FHIT: variants seen among roughly 807,000 people sequenced by gnomAD.
The protein encoded by FHIT is bis(5'-adenosyl)-triphosphatase.
In FHIT, 19 loss-of-function variants were observed where a neutral mutation model predicts 17.9. The ratio of observed to expected loss-of-function variants is 1.06; its 90% CI spans 0.74 to 1.56. The LOEUF is 1.56. FHIT is among the 40% of genes most tolerant of loss of function. The probability of loss-of-function intolerance (pLI) is 0.00; values close to 1 mark genes in which losing one functional copy is unlikely to be tolerated. For synonymous variants in FHIT, 81 were observed against 69.7 expected, an observed-to-expected ratio of 1.16 and a Z score of -0.81; for missense variants, 248 against 189.2, an observed-to-expected ratio of 1.31 and a Z score of -1.82.
At chr3:59,832,923 T>G (rs1701215009) in intron 8 of FHIT, among the ~76,000 whole-genome samples, 1 of 152,238 alleles carries the variant, frequency 6.6e-6, no homozygotes, top group South Asian at 2.1e-4. Flanking sequence ...TGAATCCAGC[T>G]GTGCCTGAAG....
At chr3:60,058,271 A>C (rs1021655011) in intron 5 of FHIT, among the ~76,000 whole-genome samples, 1 of 149,784 alleles carries the variant, frequency 6.7e-6, no homozygotes, top group Non-Finnish European at 1.5e-5. Context: ...CAGCCTCCTG[A>C]GTAGCTGGGA....
In FHIT at chr3:60,958,570, C is replaced by A. The variant is rs200734658; in HGVS notation, c.-111+83477G>T. ...GTTTGACCAAATGTTTCTCTTTACCCATGAAAAATAGTTGCAATGTTCCAA... is the reference window on the plus strand; with the variant it reads ...GTTTGACCAAATGTTTCTCTTTACCAATGAAAAATAGTTGCAATGTTCCAA... On this transcript the variant is annotated intron_variant, in intron 3 of 9. Transcript: ENST00000492590. Among the ~76,000 whole-genome samples the A allele has an allele frequency of 1.4e-4, 22 of 152,244 alleles. No homozygotes were observed. The East Asian group carries it at 4.2e-3, about 29-fold the overall frequency.
At chr3:59,840,187 C>G (rs1191985679) in intron 8 of FHIT, among the ~76,000 whole-genome samples, 2 of 151,982 alleles carry the variant, frequency 1.3e-5, no homozygotes, top group Admixed American at 1.3e-4. Flanking sequence ...AAGTACTCCC[C>G]CATTCTTGCA....
intron 5 of FHIT, among the ~76,000 whole-genome samples, chr3:60,238,958 T>C (rs1025844812): frequency 1.3e-5 from 2 of 152,190 alleles, no homozygotes; most frequent in Non-Finnish European, 2.9e-5. Flanking sequence ...TTCTAAAACA[T>C]GGTCCAAGGA....
At chr3:60,598,335 C>G (rs1181300684) in intron 4 of FHIT, among the ~76,000 whole-genome samples, 2 of 152,070 alleles carry the variant, frequency 1.3e-5, no homozygotes, top group East Asian at 1.9e-4. Context: ...TGTTTTCTCT[C>G]CTCTCAGAAT....
chr3:59,812,990 C>T (rs1700460819), intron 8 of FHIT, among the ~76,000 whole-genome samples: 2 of 152,106 alleles, frequency 1.3e-5, no homozygotes, highest in Non-Finnish European at 2.9e-5. Context: ...CTGGGTTTAA[C>T]AGTAAGTCCT....
chr3:60,761,983 T>C (rs567215603), intron 4 of FHIT, among the ~76,000 whole-genome samples: 2 of 152,304 alleles, frequency 1.3e-5, no homozygotes, highest in South Asian at 2.1e-4. Flanking sequence ...TTCCATTAAA[T>C]TGAAGGTGAC....
chr3:59,919,478 C>T (rs773219642), intron 8 of FHIT, among the ~76,000 whole-genome samples: 2 of 152,172 alleles, frequency 1.3e-5, no homozygotes, highest in Non-Finnish European at 2.9e-5. Flanking sequence ...CTTCCCTCTA[C>T]AAGTCTTCCT....
In FHIT at chr3:60,898,707, T is replaced by C. The variant is rs546470129; in HGVS notation, c.-110-76696A>G. Among the ~76,000 whole-genome samples, 8 of 152,296 alleles carry C rather than the reference T, an allele frequency of 5.3e-5. No individual in the cohort carries two copies. The East Asian group carries it at 1.5e-3, about 29-fold the overall frequency. On this transcript the variant is annotated intron_variant, in intron 3 of 9. Transcript: ENST00000492590. Reference sequence around the variant, plus strand: ...AGAAGAACATTTTTTTCACTCTTCCTGCACAGCTCAGTCTTTACGATGTTA... The same window carrying C: ...AGAAGAACATTTTTTTCACTCTTCCCGCACAGCTCAGTCTTTACGATGTTA...
intron 5 of FHIT, among the ~76,000 whole-genome samples, chr3:60,204,520 G>T (rs1348685490): frequency 6.6e-6 from 1 of 151,406 alleles, no homozygotes; most frequent in Non-Finnish European, 1.5e-5. Context: ...TGAACTCCCG[G>T]GCTCAAGCAA....
chr3:60,893,303 G>A (rs1189412274), intron 3 of FHIT, among the ~76,000 whole-genome samples: 1 of 152,088 alleles, frequency 6.6e-6, no homozygotes, highest in African/African-American at 2.4e-5. Flanking sequence ...AAGCACTCAG[G>A]TTTAACTGAT....
chr3:60,892,659 A>G (rs1022946131), intron 3 of FHIT, among the ~76,000 whole-genome samples: 7 of 152,264 alleles, frequency 4.6e-5, no homozygotes, highest in African/African-American at 1.7e-4. Context: ...AAGTAAATTT[A>G]TAAACATTGA....
chr3:60,615,732 C>T (rs1439110997), intron 4 of FHIT, among the ~76,000 whole-genome samples: 1 of 152,084 alleles, frequency 6.6e-6, no homozygotes, highest in Non-Finnish European at 1.5e-5. Context: ...AACTTGTAAT[C>T]CAGTAGGAGA....
rs1240385015 is a variant in FHIT, at chr3:59,748,282, T to TAAGAA, written c.*1298_*1302dup. ...TAATGCTCTAGGTGGTCCACAAAGA[T>TAAGAA]AAGAAAAATCATGACAAAATGGGAA... On this transcript the variant is annotated 3_prime_UTR_variant, in exon 10 of 10. Transcript: ENST00000492590. Among the ~76,000 whole-genome samples, 5 of 152,036 alleles carry TAAGAA rather than the reference T, an allele frequency of 3.3e-5. No individual in the cohort carries two copies. Among genetic ancestry groups the TAAGAA allele is most frequent in the Non-Finnish European group, 5.9e-5 (4 of 67,988 alleles).
chr3:60,818,267 A>G (rs142254070), intron 4 of FHIT, among the ~76,000 whole-genome samples: 5 of 152,274 alleles, frequency 3.3e-5, no homozygotes, highest in Admixed American at 2.6e-4. Context: ...CTTCAGAATG[A>G]GTCACATTTT....
chr3:61,240,650 A>C (rs2040352455), intron 1 of FHIT, among the ~76,000 whole-genome samples: 1 of 152,180 alleles, frequency 6.6e-6, no homozygotes, highest in African/African-American at 2.4e-5. Flanking sequence ...AAAATCTGGG[A>C]TCTTTAAGGT....
At chr3:60,556,559 C>G (rs868040507) in intron 4 of FHIT, among the ~76,000 whole-genome samples, 5 of 152,194 alleles carry the variant, frequency 3.3e-5, no homozygotes, top group African/African-American at 1.2e-4. Flanking sequence ...GTACAGTAGA[C>G]CTGGAGGAAA....
intron 3 of FHIT, among the ~76,000 whole-genome samples, chr3:60,952,749 G>C (rs902617711): frequency 3.9e-5 from 6 of 152,132 alleles, no homozygotes; most frequent in Non-Finnish European, 7.4e-5. Context: ...TTATCATCAA[G>C]GATGGGAAAA....
chr3:60,470,951 C>G (rs535654663), intron 5 of FHIT, among the ~76,000 whole-genome samples: 1 of 152,176 alleles, frequency 6.6e-6, no homozygotes, highest in South Asian at 2.1e-4. Context: ...GAACTGAGTC[C>G]CTCCCTTCAT....
Sources: allele counts gnomAD v4.1 joint callset (sites outside exome capture counted in the v4.1 genomes callset), GRCh38; gene constraint gnomAD v4.1.1; transcripts MANE v1.5; gene names NCBI Gene and HGNC (gene_info 2026-07-23, HGNC 2026-07-21).